Variants in EDN1 observed in about 807,000 individuals in gnomAD.
The protein encoded by EDN1 is endothelin-1.
In EDN1, 11 loss-of-function variants were observed where a neutral mutation model predicts 21.7. The observed-to-expected ratio is 0.51, with a 90% CI of 0.32 to 0.84. The LOEUF is 0.84. EDN1 is among the 40% of genes least tolerant of loss of function. The pLI is 0.03. For missense variants in EDN1, 244 were observed against 262.3 expected, an observed-to-expected ratio of 0.93 and a Z score of 0.48; for synonymous variants, 85 against 90.6, an observed-to-expected ratio of 0.94 and a Z score of 0.35.
intron 1 of EDN1, 72 bp from the exon 2 acceptor site, chr6:12,292,269 T>C: frequency 3.1e-6 from 5 of 1,599,366 alleles, no homozygotes; most frequent in Non-Finnish European, 3.4e-6. Flanking sequence ...TAGCTCTGAC[T>C]CTACTGTGAT....
chr6:12,260,519 C>T, the EDN1 span, among the ~76,000 whole-genome samples: 1 of 152,070 alleles, frequency 6.6e-6, no homozygotes, highest in Non-Finnish European at 1.5e-5. Context: ...TTGATTTCTG[C>T]AGTAACAAAT....
At chr6:12,233,311 A>T in the EDN1 span, among the ~76,000 whole-genome samples, 1 of 152,202 alleles carries the variant, frequency 6.6e-6, no homozygotes, top group African/African-American at 2.4e-5. Flanking sequence ...CTAAATGTTC[A>T]TGGATGGAGA....
At chr6:12,280,941 G>C in the EDN1 span, among the ~76,000 whole-genome samples, 5,348 of 152,226 alleles carry the variant, frequency 0.035, 105 homozygotes, top group Middle Eastern at 0.058. Context: ...CCCTAATGAA[G>C]AAACAATGAT....
At chr6:12,292,561 A>G (rs752415227) in intron 2 of EDN1, 52 bp downstream of exon 2, 9 of 1,606,408 alleles carry the variant, frequency 5.6e-6, no homozygotes, top group Non-Finnish European at 7.7e-6. Flanking sequence ...CGCTGGCTCC[A>G]CTGGAGCCCA....
chr6:12,252,122 A>G, the EDN1 span, among the ~76,000 whole-genome samples: 1 of 152,200 alleles, frequency 6.6e-6, no homozygotes, highest in Non-Finnish European at 1.5e-5. Context: ...TTCTGCATTT[A>G]TATTAGGCCA....
At chr6:12,230,689 G>A in the EDN1 span, among the ~76,000 whole-genome samples, 1 of 152,144 alleles carries the variant, frequency 6.6e-6, no homozygotes, top group Non-Finnish European at 1.5e-5. Context: ...GAACGTGTGG[G>A]TTGGTAACTC....
the EDN1 span, among the ~76,000 whole-genome samples, chr6:12,260,690 C>A: frequency 2.0e-5 from 3 of 152,040 alleles, no homozygotes; most frequent in East Asian, 1.9e-4. Context: ...TTTTGCCCCC[C>A]TGTCCCTCTG....
At chr6:12,260,630 G>T in the EDN1 span, among the ~76,000 whole-genome samples, 1 of 151,922 alleles carries the variant, frequency 6.6e-6, no homozygotes, top group Non-Finnish European at 1.5e-5. Flanking sequence ...CATAAATATT[G>T]TTCCCTGCGA....
At chr6:12,271,592 T>G in the EDN1 span, among the ~76,000 whole-genome samples, 1 of 152,226 alleles carries the variant, frequency 6.6e-6, no homozygotes, top group African/African-American at 2.4e-5. Flanking sequence ...ACAGTAGAGA[T>G]ATGAAAGATT....
chr6:12,263,910 C>T, the EDN1 span, among the ~76,000 whole-genome samples: 2 of 152,130 alleles, frequency 1.3e-5, no homozygotes, highest in Admixed American at 1.3e-4. Flanking sequence ...CTAAAGATCA[C>T]GAAGGTCTAG....
chr6:12,255,268 A>AT, the EDN1 span, among the ~76,000 whole-genome samples: 1 of 152,182 alleles, frequency 6.6e-6, no homozygotes, highest in Non-Finnish European at 1.5e-5. Context: ...ACCACATCCA[A>AT]GTAGGGTTAT....
At chr6:12,245,961 G>A in the EDN1 span, among the ~76,000 whole-genome samples, 44 of 152,218 alleles carry the variant, frequency 2.9e-4, no homozygotes, top group Middle Eastern at 3.4e-3. Flanking sequence ...TCTGTGTGTC[G>A]TCAGTGAGTA....
chr6:12,270,041 T>C, the EDN1 span, among the ~76,000 whole-genome samples: 1 of 152,068 alleles, frequency 6.6e-6, no homozygotes, highest in Non-Finnish European at 1.5e-5. Context: ...TGGTAGCATA[T>C]GTACCTAGAA....
At chr6:12,251,625 C>G in the EDN1 span, among the ~76,000 whole-genome samples, 1 of 152,198 alleles carries the variant, frequency 6.6e-6, no homozygotes, top group African/African-American at 2.4e-5. Context: ...TCCTGAAACA[C>G]TAAAACTCCC....
the EDN1 span, among the ~76,000 whole-genome samples, chr6:12,275,397 A>G: frequency 1.3e-5 from 2 of 152,186 alleles, no homozygotes; most frequent in Non-Finnish European, 2.9e-5. Context: ...CTGGTTACAC[A>G]TATTTCTTTT....
At chr6:12,279,150 G>C in the EDN1 span, among the ~76,000 whole-genome samples, 17 of 152,122 alleles carry the variant, frequency 1.1e-4, 1 homozygote, top group African/African-American at 3.9e-4. Context: ...TTATTTCTTT[G>C]TTTACTTGTT....
the EDN1 span, among the ~76,000 whole-genome samples, chr6:12,269,237 T>C: frequency 6.6e-6 from 1 of 152,044 alleles, no homozygotes; most frequent in South Asian, 2.1e-4. Context: ...TTGGATAGAG[T>C]CTTTAGGTTT....
chr6:12,275,120 C>G, the EDN1 span, among the ~76,000 whole-genome samples: 2 of 152,150 alleles, frequency 1.3e-5, no homozygotes. Flanking sequence ...TATGCAACCT[C>G]AAAACACTTC....
chr6:12,289,147 C>T (rs772808680), upstream of EDN1, among the ~76,000 whole-genome samples: 3 of 152,116 alleles, frequency 2.0e-5, no homozygotes, highest in Non-Finnish European at 2.9e-5. Context: ...GGGGGGATTT[C>T]AAGGTTAGAT....
Sources: gnomAD v4.1 joint callset for allele counts (sites outside exome capture counted in the v4.1 genomes callset) on GRCh38, gnomAD v4.1.1 for gene constraint, MANE v1.5 for transcripts, NCBI Gene and HGNC (gene_info 2026-07-23, HGNC 2026-07-21) for gene names.